Variants in GRIA4 observed in about 807,000 individuals in gnomAD.
GRIA4 encodes the protein glutamate receptor 4.
A neutral mutation model predicts 104.0 loss-of-function variants in GRIA4; 34 were observed. The ratio of observed to expected loss-of-function variants is 0.33; its 90% confidence interval spans 0.25 to 0.44. GRIA4 has a LOEUF of 0.44. GRIA4 is among the 20% of genes least tolerant of loss of function. The pLI is 1.00. For synonymous variants in GRIA4, 386 were observed against 381.9 expected, an observed-to-expected ratio of 1.01 and a Z score of -0.13; for missense variants, 750 against 1,096.5, an observed-to-expected ratio of 0.68 and a Z score of 4.46.
At chr11:105,978,571 C>A (rs72979255) in intron 16 of GRIA4, among the ~76,000 whole-genome samples, 1 of 151,882 alleles carries the variant, frequency 6.6e-6, no homozygotes, top group Non-Finnish European at 1.5e-5. Context: ...TATAATTATT[C>A]TAATATTTAA....
chr11:105,839,054 C>T (rs1416739119), intron 4 of GRIA4, among the ~76,000 whole-genome samples: 2 of 152,062 alleles, frequency 1.3e-5, no homozygotes, highest in African/African-American at 4.8e-5. Context: ...CCTTCATCCA[C>T]CCCCATCCAT....
intron 4 of GRIA4, among the ~76,000 whole-genome samples, chr11:105,774,654 C>T (rs1169395136): frequency 1.3e-5 from 2 of 152,046 alleles, no homozygotes; most frequent in African/African-American, 2.4e-5. Flanking sequence ...AAATATTCAA[C>T]TCTATTCCTG....
intron 4 of GRIA4, among the ~76,000 whole-genome samples, chr11:105,767,901 G>T (rs542602608): frequency 1.3e-5 from 2 of 152,202 alleles, no homozygotes; most frequent in Admixed American, 1.3e-4. Flanking sequence ...TTATGCTGCC[G>T]ATGAGGACCT....
chr11:105,811,179 T>C (rs565251979), intron 4 of GRIA4, among the ~76,000 whole-genome samples: 6 of 152,248 alleles, frequency 3.9e-5, no homozygotes, highest in African/African-American at 1.2e-4. Context: ...TGATCAGCTG[T>C]TAAGAGGGCT....
At chr11:105,738,920 T>TAAAAAAAAAAAA (rs1208334069) in intron 3 of GRIA4, among the ~76,000 whole-genome samples, 1 of 49,312 alleles carries the variant, frequency 2.0e-5, no homozygotes, top group African/African-American at 7.8e-5. Context: ...AGTTGACAAG[T>TAAAAAAAAAAAA]AAAAAAAAAC....
At chr11:105,918,073 G>A (rs1004027399) in intron 10 of GRIA4, among the ~76,000 whole-genome samples, 10 of 152,046 alleles carry the variant, frequency 6.6e-5, no homozygotes, top group Non-Finnish European at 1.2e-4. Context: ...CACAAACCAT[G>A]CTTAAAGCCA....
intron 4 of GRIA4, among the ~76,000 whole-genome samples, chr11:105,796,610 T>C (rs1236568090): frequency 2.0e-5 from 3 of 152,182 alleles, no homozygotes. Flanking sequence ...AGAAAACAAG[T>C]AGACCATAGG....
intron 3 of GRIA4, among the ~76,000 whole-genome samples, chr11:105,622,391 T>C (rs948623709): frequency 2.0e-5 from 3 of 151,882 alleles, no homozygotes; most frequent in Non-Finnish European, 4.4e-5. Context: ...GCTGCTCTTT[T>C]AAAAGTGCTT....
In GRIA4 at chr11:105,945,710, G is replaced by C. The variant is rs1425665471; in HGVS notation, c.2294+11741G>C. Among the ~76,000 whole-genome samples the C allele has an allele frequency of 2.6e-5, 4 of 152,110 alleles. No individual in the cohort carries two copies. The South Asian group carries it at 6.2e-4, about 24-fold the overall frequency. ...GGAAAAAATAAAAACTTTCACACAAGTCATATCAGTTATATGCTAATGCAT... is the reference window on the plus strand; with the variant it reads ...GGAAAAAATAAAAACTTTCACACAACTCATATCAGTTATATGCTAATGCAT... On this transcript the variant is annotated intron_variant, in intron 14 of 16. Coordinates refer to ENST00000282499, the MANE Select transcript of GRIA4 (RefSeq NM_000829.4).
intron 3 of GRIA4, among the ~76,000 whole-genome samples, chr11:105,622,543 T>G (rs1051860935): frequency 2.0e-5 from 3 of 151,906 alleles, no homozygotes; most frequent in African/African-American, 7.2e-5. Flanking sequence ...TTGCTTCTTC[T>G]ATTATTTCCT....
At chr11:105,736,154 C>T (rs1938928416) in intron 3 of GRIA4, among the ~76,000 whole-genome samples, 3 of 152,066 alleles carry the variant, frequency 2.0e-5, no homozygotes. Context: ...CCTTTAATCC[C>T]TCTTGGCAAC....
intron 11 of GRIA4, among the ~76,000 whole-genome samples, chr11:105,919,362 T>A (rs1165062430): frequency 6.6e-6 from 1 of 152,220 alleles, no homozygotes; most frequent in Non-Finnish European, 1.5e-5. Flanking sequence ...AGATATCTTT[T>A]AAGTAATTGG....
intron 4 of GRIA4, among the ~76,000 whole-genome samples, chr11:105,839,369 T>C (rs988129253): frequency 1.3e-5 from 2 of 152,102 alleles, no homozygotes; most frequent in African/African-American, 2.4e-5. Context: ...ATGCCTTCCA[T>C]TATGTTTACT....
Position 105,979,879 on chromosome 11 carries a change from C to G in GRIA4, c.*140C>G, listed in dbSNP as rs1222328500. 5 of 565,724 alleles carry G rather than the reference C, an allele frequency of 8.8e-6. No homozygotes were observed. In the African/African-American group the frequency reaches 9.3e-5, roughly 11 times the overall value. The allele number at this position is 565,724 out of a possible 1,614,324, so 35.0% of individuals were successfully genotyped here. On this transcript the variant is annotated 3_prime_UTR_variant, in exon 17 of 17. Transcript: ENST00000282499. Reference sequence around the variant, plus strand: ...GGGAAGTCCGTCCTAACGCGCTGGCCGGACATCAGCAGCAGCAACGTGTGC... The same window carrying G: ...GGGAAGTCCGTCCTAACGCGCTGGCGGGACATCAGCAGCAGCAACGTGTGC...
At chr11:105,944,837 A>G (rs1394342028) in intron 14 of GRIA4, among the ~76,000 whole-genome samples, 2 of 152,080 alleles carry the variant, frequency 1.3e-5, no homozygotes, top group African/African-American at 4.8e-5. Flanking sequence ...CTACTTAGAG[A>G]CAAATTAAGA....
At chr11:105,727,788 T>A (rs1485729330) in intron 3 of GRIA4, among the ~76,000 whole-genome samples, 1 of 152,146 alleles carries the variant, frequency 6.6e-6, no homozygotes, top group Non-Finnish European at 1.5e-5. Flanking sequence ...GCTTCTTAAG[T>A]GAAGGCGAAA....
At chr11:105,715,859 C>T (rs1436498455) in intron 3 of GRIA4, among the ~76,000 whole-genome samples, 1 of 152,074 alleles carries the variant, frequency 6.6e-6, no homozygotes, top group African/African-American at 2.4e-5. Flanking sequence ...AACAGGAAAA[C>T]AAGTACAAAG....
intron 14 of GRIA4, among the ~76,000 whole-genome samples, chr11:105,971,641 G>T (rs906541439): frequency 6.6e-6 from 1 of 152,160 alleles, no homozygotes; most frequent in Admixed American, 6.5e-5. Context: ...AATGGTAAAT[G>T]TTCCAGAAAC....
intron 4 of GRIA4, among the ~76,000 whole-genome samples, chr11:105,760,527 A>G (rs951429043): frequency 7.9e-5 from 12 of 152,172 alleles, no homozygotes; most frequent in African/African-American, 2.7e-4. Flanking sequence ...ACAATTTTGT[A>G]GCAAGGTTAT....
Sources: gnomAD v4.1 joint callset for allele counts (sites outside exome capture counted in the v4.1 genomes callset) on GRCh38, gnomAD v4.1.1 for gene constraint, MANE v1.5 for transcripts, NCBI Gene and HGNC (gene_info 2026-07-23, HGNC 2026-07-21) for gene names.